Variants in PER2 observed in about 807,000 individuals in gnomAD.
The protein encoded by PER2 is period circadian protein homolog 2.
In PER2, 66 loss-of-function variants were observed where a neutral mutation model predicts 121.0. The observed-to-expected ratio is 0.55, with a 90% CI of 0.45 to 0.67. PER2 has a LOEUF of 0.67. Ranked by LOEUF, PER2 falls within the 30% of genes least tolerant of loss-of-function variation. PER2 has a pLI of 0.00. For synonymous variants in PER2, 684 were observed against 659.9 expected, an observed-to-expected ratio of 1.04 and a Z score of -0.56; for missense variants, 1,521 against 1,635.0, an observed-to-expected ratio of 0.93 and a Z score of 1.20.
At chr2:238,271,248 G>T in intron 6 of PER2, 64 bp downstream of exon 6, 1 of 1,436,450 alleles carries the variant, frequency 7.0e-7, no homozygotes, top group Non-Finnish European at 9.8e-7. Context: ...CATCTGGGTT[G>T]GGCCCAGCTC....
chr2:238,266,760 G>T (rs1325395470), intron 8 of PER2, among the ~76,000 whole-genome samples: 1 of 152,198 alleles, frequency 6.6e-6, no homozygotes, highest in Admixed American at 6.5e-5. Flanking sequence ...TCATTTGGCC[G>T]GGCGCGGTGG....
intron 22 of PER2, among the ~76,000 whole-genome samples, chr2:238,246,747 G>T (rs530057197): frequency 6.6e-6 from 1 of 152,192 alleles, no homozygotes; most frequent in Non-Finnish European, 1.5e-5. Flanking sequence ...GTGGTGGCAG[G>T]CACCTGTAGT....
At chr2:238,248,845 C>T (rs1210492024) in intron 22 of PER2, 4 of 545,752 alleles carry the variant, frequency 7.3e-6, no homozygotes, top group East Asian at 4.1e-5. Flanking sequence ...TTAGTAGAGA[C>T]GGGGTTTCAC....
chr2:238,260,237 A>T (rs1020229852), intron 13 of PER2, among the ~76,000 whole-genome samples, 184 bp from the exon 14 acceptor site: 6 of 152,150 alleles, frequency 3.9e-5, no homozygotes, highest in Non-Finnish European at 7.3e-5. Flanking sequence ...ATAATAAAAA[A>T]TAAAGCAAAA....
chr2:238,257,189 G>T, intron 16 of PER2, 103 bp from the exon 17 acceptor site: 1 of 1,006,466 alleles, frequency 9.9e-7, no homozygotes, highest in Non-Finnish European at 1.5e-6. Flanking sequence ...ACACCAGGGT[G>T]CACACAACCC....
chr2:238,270,423 TA>T (rs71402779), intron 6 of PER2, among the ~76,000 whole-genome samples: 14,302 of 141,906 alleles, frequency 0.1, 683 homozygotes, highest in Middle Eastern at 0.13. Flanking sequence ...GAATCTAAAC[TA>T]AAAAAAAAAA....
intron 11 of PER2, 52 bp downstream of exon 11, chr2:238,262,139 C>T (rs539636106): frequency 1.2e-5 from 19 of 1,573,056 alleles, no homozygotes; most frequent in East Asian, 9.0e-5. Context: ...GAGGACAGCC[C>T]GAGACCCCCG....
chr2:238,299,224 T>A, the PER2 span: 1 of 149,160 alleles, frequency 6.7e-6, no homozygotes. Context: ...GAGGTTGCAG[T>A]GAGCCAAAAA....
At chr2:238,251,992 C>T (rs1054106530) in intron 19 of PER2, among the ~76,000 whole-genome samples, 8 of 152,258 alleles carry the variant, frequency 5.3e-5, no homozygotes, top group South Asian at 4.1e-4. Flanking sequence ...ATTTAATTTT[C>T]GGAGAGTCAC....
chr2:238,261,538 G>A lies in PER2; in HGVS notation c.1416+191C>T. ...ACAAGGTCGAATGCAAGGCTGGAGAGAGCCAAGGGTACTATGGACTGTCTC... is the reference window on the plus strand; with the variant it reads ...ACAAGGTCGAATGCAAGGCTGGAGAAAGCCAAGGGTACTATGGACTGTCTC... On this transcript the variant is annotated intron_variant, in intron 12 of 22. Coordinates refer to ENST00000254657, the MANE Select transcript of PER2 (RefSeq NM_022817.3). 6.3e-6 allele frequency: 4 copies of A among 631,632 alleles called. No individual in the cohort carries two copies. In the South Asian group the frequency reaches 7.0e-5, roughly 11 times the overall value. The allele number at this position is 631,632 out of a possible 1,614,324, so 39.1% of individuals were successfully genotyped here. A position where few individuals can be genotyped will look rare whatever the true frequency, so the allele number is the denominator to read the frequency against.
intron 8 of PER2, among the ~76,000 whole-genome samples, chr2:238,267,832 T>C (rs1444594740): frequency 1.3e-5 from 2 of 152,064 alleles, no homozygotes; most frequent in Non-Finnish European, 2.9e-5. Context: ...GGGTGAGAGA[T>C]GCTGGCACCC....
rs910363917 is a variant in PER2 at position 238,245,443 on chromosome 2, G to A, written c.*932C>T. ...AGACTGAGTGGCAGTGGCTGCTCTCGGCCAGGAGATGTGATGTGGGCTTGG... is the reference window on the plus strand; with the variant it reads ...AGACTGAGTGGCAGTGGCTGCTCTCAGCCAGGAGATGTGATGTGGGCTTGG... On this transcript the variant is annotated 3_prime_UTR_variant, in exon 23 of 23. Transcript: ENST00000254657. 2.0e-5 allele frequency: 8 copies of A among 397,130 alleles called. No individual in the cohort carries two copies. The highest frequency in any genetic ancestry group is 6.2e-5 in the African/African-American group (3 of 48,586). 24.6% of individuals were successfully genotyped at this position (397,130 alleles called of 1,614,324 possible).
At chr2:238,294,338 A>G (rs1458496139), upstream of PER2, among the ~76,000 whole-genome samples, 7 of 152,116 alleles carry the variant, frequency 4.6e-5, no homozygotes, top group Non-Finnish European at 1.0e-4. Flanking sequence ...CCAACCATGG[A>G]CATCTTGGAG....
At position 238,268,680 on chromosome 2, in the gene PER2, G is replaced by A. The variant is rs1308844116; in HGVS notation, c.824+243C>T. Among the ~76,000 whole-genome samples the A allele has an allele frequency of 2.0e-5, 3 of 152,226 alleles. No homozygotes were observed. Among genetic ancestry groups the A allele is most frequent in the Non-Finnish European group, 4.4e-5 (3 of 68,040 alleles). ...TGTCGACCCTGGGGTACAGGCCTTTGCAAGACACAGAGAGAAAGTGCAGGT... is the reference window on the plus strand; with the variant it reads ...TGTCGACCCTGGGGTACAGGCCTTTACAAGACACAGAGAGAAAGTGCAGGT... On this transcript the variant is annotated intron_variant, in intron 7 of 22. Transcript: ENST00000254657. The surrounding 1 kb of genome is among the most constrained non-coding windows in gnomAD (Gnocchi z 4.0).
At position 238,250,585 on chromosome 2, in the gene PER2, T is replaced by C; in HGVS notation, c.3433A>G (p.Ser1145Gly). Residue 1145 changes from serine to glycine, a missense_variant, in exon 21 of 23, where the codon AGC becomes GGC. Physicochemically the swap from Ser to Gly is moderately conservative, Grantham distance 56. Transcript: ENST00000254657. ...PIWLLMADAD[S>G]SVMMTYQLPS... ...AGCTGGTACGTCATCATGACGCTGCTGTCCGCATCTGCCATCAGCAGCCAG... is the reference window on the plus strand; with the variant it reads ...AGCTGGTACGTCATCATGACGCTGCCGTCCGCATCTGCCATCAGCAGCCAG... 6.2e-7 allele frequency: 1 copy of C among 1,613,814 alleles called. No homozygotes were observed. Among genetic ancestry groups the C allele is most frequent in the Non-Finnish European group, 8.5e-7 (1 of 1,179,838 alleles).
At chr2:238,278,047 G>A in intron 1 of PER2, 92 bp from the exon 2 acceptor site, 1 of 1,345,262 alleles carries the variant, frequency 7.4e-7, no homozygotes, top group Non-Finnish European at 1.0e-6. Flanking sequence ...GACTCTTTCT[G>A]TTACTAATGA....
At chr2:238,262,891 C>T in intron 10 of PER2, 61 bp downstream of exon 10, 3 of 1,165,292 alleles carry the variant, frequency 2.6e-6, no homozygotes, top group Non-Finnish European at 3.8e-6. Context: ...CAAGAAGCAG[C>T]CCCAAGGACA....
At chr2:238,275,632 G>A (rs1446230810) in intron 4 of PER2, 111 bp downstream of exon 4, 8 of 1,189,828 alleles carry the variant, frequency 6.7e-6, no homozygotes, top group South Asian at 1.2e-5. Context: ...AGGCTGCAGT[G>A]AGCTGCGATG....
At chr2:238,273,747 C>T (rs1696366788) in intron 4 of PER2, among the ~76,000 whole-genome samples, 1 of 152,122 alleles carries the variant, frequency 6.6e-6, no homozygotes, top group South Asian at 2.1e-4. Flanking sequence ...CTCACGGCAA[C>T]CTCCACCTCC....
Sources: allele counts gnomAD v4.1 joint callset (sites outside exome capture counted in the v4.1 genomes callset), GRCh38; gene constraint gnomAD v4.1.1; non-coding constraint Gnocchi (gnomAD v3.1); transcripts MANE v1.5; gene names NCBI Gene and HGNC (gene_info 2026-07-23, HGNC 2026-07-21).